WWOX: variants seen among roughly 807,000 people sequenced by gnomAD.
WWOX encodes the protein WW domain containing oxidoreductase.
Under a neutral mutation model 46.2 loss-of-function variants are expected in WWOX, and 69 were observed. The observed-to-expected ratio is 1.49, with a 90% CI of 1.23 to 1.82. The LOEUF is 1.82. WWOX is among the 40% of genes most tolerant of loss of function. The probability of loss-of-function intolerance (pLI) is 0.00; values close to 1 mark genes in which losing one functional copy is unlikely to be tolerated. For missense variants in WWOX, 919 were observed against 542.6 expected (o/e 1.69, Z -6.89); for synonymous variants, 359 against 202.6 (o/e 1.77, Z -6.56).
At chr16:78,280,044 ACTGGAGTTTCGTCAG>A (rs2079648592) in intron 5 of WWOX, among the ~76,000 whole-genome samples, 1 of 152,252 alleles carries the variant, frequency 6.6e-6, no homozygotes, top group Non-Finnish European at 1.5e-5. Context: ...TCACCAGGCA[ACTGGAGTTTCGTCAG>A]CTGAGTCTAG....
intron 8 of WWOX, chr16:78,895,407 G>A (rs547500335): frequency 6.6e-6 from 1 of 152,332 alleles, no homozygotes; most frequent in Admixed American, 6.5e-5. Context: ...TGTCTCCTCT[G>A]TGGGGTCAAA....
chr16:78,670,400 C>T lies in WWOX; in HGVS notation c.1056+237648C>T, dbSNP rs373100263. On this transcript the variant is annotated intron_variant, in intron 8 of 8. Transcript: ENST00000566780. ...TGCAGGAAAAGCATTATGAGCATTG[C>T]AGTGCCACATGCTGCATTGGTGTGT... Among the ~76,000 whole-genome samples, 131 of 152,328 alleles carry T rather than the reference C, an allele frequency of 8.6e-4. 1 individual carries two copies. Among genetic ancestry groups the T allele is most frequent in the African/African-American group, 2.9e-3 (120 of 41,586 alleles).
intron 8 of WWOX, among the ~76,000 whole-genome samples, chr16:78,448,386 G>A (rs559486391): frequency 2.6e-4 from 39 of 152,242 alleles, no homozygotes; most frequent in Admixed American, 1.2e-3. Context: ...TTATTTTATA[G>A]CCTTTGTAGA....
In WWOX at chr16:78,212,282, T is replaced by C. The variant is rs567823912; in HGVS notation, c.516+47993T>C. On this transcript the variant is annotated intron_variant, in intron 5 of 8. Transcript: ENST00000566780. ...TTCTCTGAGGGCAGAGGCTGATCAA[T>C]CTAGGCTGGTAGGAATAGATGTAAC... Among the ~76,000 whole-genome samples, 3 of 152,280 alleles carry C rather than the reference T, an allele frequency of 2.0e-5. No homozygotes were observed. In the East Asian group the frequency reaches 5.8e-4, roughly 30 times the overall value.
intron 5 of WWOX, among the ~76,000 whole-genome samples, chr16:78,293,238 C>A (rs1198403999): frequency 2.0e-5 from 3 of 152,246 alleles, no homozygotes; most frequent in African/African-American, 7.2e-5. Flanking sequence ...TATACATTTA[C>A]CTCTTGGTGT....
At chr16:78,897,993 A>T (rs1017058434) in intron 8 of WWOX, 1 of 136,294 alleles carries the variant, frequency 7.3e-6, no homozygotes, top group Admixed American at 7.1e-5. Context: ...TGTATTGGCC[A>T]TTTTCTAAAA....
At chr16:78,254,865 A>G (rs1304426322) in intron 5 of WWOX, among the ~76,000 whole-genome samples, 1 of 152,020 alleles carries the variant, frequency 6.6e-6, no homozygotes, top group Non-Finnish European at 1.5e-5. Context: ...GGGCTCTGAT[A>G]TGCACCTCTC....
At chr16:78,826,812 A>G (rs2051670459) in intron 8 of WWOX, among the ~76,000 whole-genome samples, 1 of 152,142 alleles carries the variant, frequency 6.6e-6, no homozygotes, top group Non-Finnish European at 1.5e-5. Context: ...TCACAGTCAC[A>G]GCCACCCCTC....
Position 78,771,375 on chromosome 16 carries a change from G to A in WWOX, c.1056+338623G>A, listed in dbSNP as rs189623624. ...TGCCCAACCTAAATATATGTTCAAA[G>A]GTGGTTATTACTGTTTGAGGTGATG... On this transcript the variant is annotated intron_variant, in intron 8 of 8. Transcript: ENST00000566780. 5.3e-5 allele frequency among the ~76,000 whole-genome samples: 8 copies of A among 152,310 alleles called. No individual in the cohort carries two copies. In the East Asian group the frequency reaches 1.5e-3, roughly 29 times the overall value.
intron 8 of WWOX, among the ~76,000 whole-genome samples, chr16:78,859,000 T>G (rs2052638364): frequency 2.5e-5 from 2 of 79,872 alleles, no homozygotes; most frequent in Non-Finnish European, 4.3e-5. Flanking sequence ...GTTTTGAAAT[T>G]TAAAAAAAAA....
At chr16:78,133,512 TGGCCTCCCAAA>T (rs1195807057) in intron 4 of WWOX, among the ~76,000 whole-genome samples, 3 of 151,816 alleles carry the variant, frequency 2.0e-5, no homozygotes, top group Non-Finnish European at 4.4e-5. Flanking sequence ...CTGCCCGCCT[TGGCCTCCCAAA>T]GTGCTGGGAT....
chr16:78,272,797 C>T (rs2079505044), intron 5 of WWOX, among the ~76,000 whole-genome samples: 1 of 152,042 alleles, frequency 6.6e-6, no homozygotes, highest in South Asian at 2.1e-4. Context: ...GTTTTTAATT[C>T]ACCACACTGT....
At chr16:79,001,782 A>G (rs564598954) in intron 8 of WWOX, among the ~76,000 whole-genome samples, 58 of 152,230 alleles carry the variant, frequency 3.8e-4, no homozygotes, top group African/African-American at 1.3e-3. Context: ...AGTACAAATG[A>G]AAGCCTCTCT....
At chr16:78,134,071 T>G (rs534293952) in intron 4 of WWOX, among the ~76,000 whole-genome samples, 1 of 152,316 alleles carries the variant, frequency 6.6e-6, no homozygotes, top group Non-Finnish European at 1.5e-5. Context: ...GTGTCTGTGT[T>G]TCTCATGTTG....
At chr16:78,126,018 T>C (rs531589274) in intron 4 of WWOX, among the ~76,000 whole-genome samples, 1 of 152,362 alleles carries the variant, frequency 6.6e-6, no homozygotes, top group South Asian at 2.1e-4. Flanking sequence ...ATTTAGCATG[T>C]ATGATTGTAA....
intron 8 of WWOX, among the ~76,000 whole-genome samples, chr16:79,018,755 G>A (rs1007128403): frequency 2.0e-5 from 3 of 152,046 alleles, no homozygotes; most frequent in African/African-American, 7.2e-5. Context: ...TCCTATTTTC[G>A]GCAAGTGGTT....
intron 8 of WWOX, among the ~76,000 whole-genome samples, chr16:78,684,461 A>G (rs1182134909): frequency 6.6e-6 from 1 of 152,174 alleles, no homozygotes; most frequent in African/African-American, 2.4e-5. Flanking sequence ...GTTGAGTCAG[A>G]TCAAGTCCAG....
chr16:78,933,268 G>T (rs909507605), intron 8 of WWOX, among the ~76,000 whole-genome samples: 22 of 152,176 alleles, frequency 1.4e-4, no homozygotes, highest in Non-Finnish European at 2.5e-4. Flanking sequence ...GCAAAACCCA[G>T]TGTCTACTAA....
rs150424160 is a variant in WWOX at position 78,490,526 on chromosome 16, A to G, written c.1056+57774A>G. The stretch of plus-strand genomic sequence containing the variant: ...AGGTCACGAACATGCGTTGTTTTCA[A>G]TGCTGGGCTAGTTTCAGACTTCTGG... On this transcript the variant is annotated intron_variant, in intron 8 of 8. Coordinates refer to ENST00000566780, the MANE Select transcript of WWOX (RefSeq NM_016373.4). Among the ~76,000 whole-genome samples, 899 of 152,262 alleles carry G rather than the reference A, an allele frequency of 5.9e-3. 12 individuals are homozygous for G. The highest frequency in any genetic ancestry group is 0.02 in the African/African-American group (851 of 41,560).
Sources: gnomAD v4.1 joint callset for allele counts (sites outside exome capture counted in the v4.1 genomes callset) on GRCh38, gnomAD v4.1.1 for gene constraint, MANE v1.5 for transcripts, NCBI Gene and HGNC (gene_info 2026-07-23, HGNC 2026-07-21) for gene names.